Variants in RARB observed in about 807,000 individuals in gnomAD.
The protein encoded by RARB is HBV-activated protein.
Under a neutral mutation model 51.9 loss-of-function variants are expected in RARB, and 17 were observed. The ratio of observed to expected loss-of-function variants is 0.33; its 90% CI spans 0.22 to 0.49. The LOEUF (loss-of-function observed/expected upper bound fraction) is 0.49. RARB is among the 20% of genes least tolerant of loss of function. The pLI is 0.99. For synonymous variants in RARB, 215 were observed against 195.4 expected (o/e 1.10, Z -0.84); for missense variants, 369 against 550.8 (o/e 0.67, Z 3.30).
intron 5 of RARB, among the ~76,000 whole-genome samples, chr3:25,279,374 T>C (rs1410351883): frequency 5.9e-5 from 9 of 152,216 alleles, no homozygotes; most frequent in Non-Finnish European, 1.5e-5. Flanking sequence ...TGCTGCATCT[T>C]AAGCATAATG....
intron 5 of RARB, among the ~76,000 whole-genome samples, chr3:25,414,662 C>G (rs1050207971): frequency 2.0e-5 from 3 of 152,082 alleles, no homozygotes; most frequent in African/African-American, 7.2e-5. Context: ...TAGCATTTAC[C>G]TAATAACTAA....
intron 2 of RARB, among the ~76,000 whole-genome samples, chr3:24,917,533 C>T (rs1371421505): frequency 2.6e-5 from 4 of 152,128 alleles, no homozygotes; most frequent in Admixed American, 6.5e-5. Flanking sequence ...AAAATATGCT[C>T]AATGTCATTA....
chr3:25,160,054 T>A (rs1700449087), intron 4 of RARB, among the ~76,000 whole-genome samples: 1 of 152,216 alleles, frequency 6.6e-6, no homozygotes, highest in Non-Finnish European at 1.5e-5. Flanking sequence ...TATTTTTGTT[T>A]CAGCTTCTCT....
rs150801519 is a variant in RARB at position 25,478,516 on chromosome 3, C to T, written c.306+17175C>T. On this transcript the variant is annotated intron_variant, in intron 2 of 7. Transcript: ENST00000330688. ...ACAGACTGAGGGAGCTGTGGGTTCCCACCACCCATCTTGCCCTACTTCAGG... is the reference window on the plus strand; with the variant it reads ...ACAGACTGAGGGAGCTGTGGGTTCCTACCACCCATCTTGCCCTACTTCAGG... Among the ~76,000 whole-genome samples the T allele has an allele frequency of 2.6e-3, 390 of 152,268 alleles. 3 individuals carry two copies. Among genetic ancestry groups the T allele is most frequent in the African/African-American group, 9.0e-3 (376 of 41,558 alleles).
intron 2 of RARB, among the ~76,000 whole-genome samples, chr3:24,982,753 C>T (rs1036234644): frequency 6.6e-6 from 1 of 152,156 alleles, no homozygotes; most frequent in Non-Finnish European, 1.5e-5. Context: ...GTTACACCAT[C>T]CCTGGGGGAA....
chr3:25,331,467 T>C (rs1704892886), intron 5 of RARB, among the ~76,000 whole-genome samples: 2 of 152,160 alleles, frequency 1.3e-5, no homozygotes, highest in Admixed American at 1.3e-4. Context: ...AAGATGTGCT[T>C]TGAAACCAGT....
intron 3 of RARB, among the ~76,000 whole-genome samples, chr3:25,102,052 A>C (rs1699410043): frequency 6.6e-6 from 1 of 152,110 alleles, no homozygotes; most frequent in African/African-American, 2.4e-5. Flanking sequence ...TTTATGAACA[A>C]ATTTAAAATT....
chr3:24,942,031 T>C (rs750934909), intron 2 of RARB, among the ~76,000 whole-genome samples: 4 of 152,216 alleles, frequency 2.6e-5, no homozygotes, highest in Non-Finnish European at 5.9e-5. Flanking sequence ...TTTGGCCATA[T>C]TGATGTGAAA....
intron 2 of RARB, among the ~76,000 whole-genome samples, chr3:25,012,089 TTAAG>T (rs1353551424): frequency 5.3e-5 from 8 of 152,196 alleles, no homozygotes; most frequent in Non-Finnish European, 8.8e-5. Context: ...AAAATAGTAA[TTAAG>T]CTTCATTTCA....
At chr3:25,320,136 A>G (rs1018718923) in intron 5 of RARB, among the ~76,000 whole-genome samples, 6 of 151,916 alleles carry the variant, frequency 3.9e-5, no homozygotes, top group Admixed American at 2.6e-4. Context: ...AGTCACCCCA[A>G]CCTCTACAAC....
chr3:24,842,858 G>T (rs146854658), intron 1 of RARB, among the ~76,000 whole-genome samples: 1 of 152,286 alleles, frequency 6.6e-6, no homozygotes, highest in East Asian at 1.9e-4. Context: ...TTGAATACTT[G>T]TCTGGGCCAC....
chr3:25,370,982 A>G (rs1246828983), intron 5 of RARB, among the ~76,000 whole-genome samples: 2 of 152,080 alleles, frequency 1.3e-5, no homozygotes, highest in African/African-American at 4.8e-5. Flanking sequence ...TGGCCCTCTT[A>G]TCTTCATTCA....
At chr3:25,103,331 G>C (rs969659223) in intron 3 of RARB, among the ~76,000 whole-genome samples, 3 of 152,186 alleles carry the variant, frequency 2.0e-5, no homozygotes, top group Non-Finnish European at 4.4e-5. Context: ...GTAAGTGACA[G>C]GAGAAATGAA....
intron 5 of RARB, among the ~76,000 whole-genome samples, chr3:25,372,204 T>G (rs930160523): frequency 6.6e-6 from 1 of 152,250 alleles, no homozygotes; most frequent in African/African-American, 2.4e-5. Context: ...AATGGTTGTC[T>G]TTCAGCCTTG....
At chr3:25,273,000 T>C (rs1293123864) in intron 5 of RARB, among the ~76,000 whole-genome samples, 1 of 152,188 alleles carries the variant, frequency 6.6e-6, no homozygotes, top group Admixed American at 6.5e-5. Context: ...AAATCTTTTT[T>C]TCTGTTCACA....
intron 4 of RARB, among the ~76,000 whole-genome samples, chr3:25,163,586 T>C (rs980208335): frequency 2.0e-5 from 3 of 150,722 alleles, no homozygotes; most frequent in African/African-American, 2.5e-5. Context: ...AATTCTAATG[T>C]AGTGCTTTCT....
rs567518466 is a variant in RARB, at chr3:25,085,740, C to T, written c.-328+25564C>T. On this transcript the variant is annotated intron_variant, in intron 3 of 11. Coordinates refer to the RARB transcript ENST00000383772. The stretch of plus-strand genomic sequence containing the variant: ...CTTTTATCTTGGGACCCAGCCCCTC[C>T]ATAATTGCTCAGACTTGTGTCAAAT... Among the ~76,000 whole-genome samples the T allele has an allele frequency of 6.6e-5, 10 of 152,262 alleles. No homozygotes were observed. In the East Asian group the frequency reaches 1.9e-3, roughly 29 times the overall value.
chr3:25,139,461 T>G (rs1700078235), intron 4 of RARB, among the ~76,000 whole-genome samples: 1 of 152,138 alleles, frequency 6.6e-6, no homozygotes, highest in Admixed American at 6.5e-5. Context: ...GTCACAACAT[T>G]CCCTTAACAC....
upstream of RARB, among the ~76,000 whole-genome samples, chr3:25,425,830 T>A (rs944426839): frequency 1.3e-5 from 2 of 152,160 alleles, no homozygotes; most frequent in African/African-American, 2.4e-5. Flanking sequence ...CCCATCCCCA[T>A]CTTCACTTCC....
Sources: gnomAD v4.1 joint callset for allele counts (sites outside exome capture counted in the v4.1 genomes callset) on GRCh38, gnomAD v4.1.1 for gene constraint, MANE v1.5 for transcripts, NCBI Gene and HGNC (gene_info 2026-07-23, HGNC 2026-07-21) for gene names.